The following COL28A1 variants were observed in gnomAD, a reference collection of about 807,000 sequenced individuals.
The protein encoded by COL28A1 is collagen type XXVIII alpha 1 chain, also known as collagen alpha-1(XXVIII) chain.
In COL28A1, 161 loss-of-function variants were observed where a neutral mutation model predicts 150.2. That is an observed-to-expected ratio of 1.07 (90% confidence interval 0.94 to 1.22). The LOEUF (loss-of-function observed/expected upper bound fraction) is 1.22, where lower values mean the gene tolerates loss of function less well. Ranked by LOEUF, COL28A1 falls within the 50% of genes most tolerant of loss-of-function variation. The pLI is 0.00. For synonymous variants in COL28A1, 552 were observed against 469.7 expected (o/e 1.18, Z -2.26); for missense variants, 1,617 against 1,388.3 (o/e 1.16, Z -2.62).
rs1296292921 is a variant in COL28A1 at position 7,466,376 on chromosome 7, T to C, written c.1302+8225A>G. ...TATCAGCAATGGAAGATGAAATGAA[T>C]GAAATGAAGAGAGAAGGGAAGTTTA... On this transcript the variant is annotated intron_variant, in intron 15 of 34. Transcript: ENST00000399429. 2.1e-5 allele frequency among the ~76,000 whole-genome samples: 3 copies of C among 144,142 alleles called. 1 individual carries two copies. The highest frequency in any genetic ancestry group is 4.6e-5 in the Non-Finnish European group (3 of 65,772). 94.6% of individuals were successfully genotyped at this position (144,142 alleles called of 152,430 possible).
At chr7:7,430,985 G>A (rs949633547) in intron 25 of COL28A1, among the ~76,000 whole-genome samples, 1 of 152,154 alleles carries the variant, frequency 6.6e-6, no homozygotes, top group African/African-American at 2.4e-5. Context: ...ATTACCCCCA[G>A]AAGCAGAATG....
intron 20 of COL28A1, among the ~76,000 whole-genome samples, chr7:7,443,051 T>G (rs1428085864): frequency 6.9e-6 from 1 of 145,594 alleles, no homozygotes; most frequent in African/African-American, 2.6e-5. Flanking sequence ...AAAAAAAAAA[T>G]TGCAGGAAGA....
In COL28A1 at chr7:7,433,000, C is replaced by T. The variant is rs946878693; in HGVS notation, c.1861-300G>A. Among the ~76,000 whole-genome samples the T allele has an allele frequency of 2.0e-5, 3 of 152,154 alleles. 1 individual carries two copies. In the South Asian group the frequency reaches 6.2e-4, roughly 32 times the overall value. ...ATTGTTGCGTTAAATCTATTCTCTT[C>T]ATTAATGGGGCCCGAATTATACGGG... On this transcript the variant is annotated intron_variant, in intron 23 of 34. Transcript: ENST00000399429.
intron 20 of COL28A1, 117 bp from the exon 21 acceptor site, chr7:7,440,978 C>T (rs1210729562): frequency 5.4e-6 from 3 of 560,062 alleles, no homozygotes; most frequent in South Asian, 5.9e-5. Flanking sequence ...AAGTGGTGTG[C>T]CCTGAGCACA....
At chr7:7,462,400 G>T (rs751496008) in intron 15 of COL28A1, among the ~76,000 whole-genome samples, 1 of 152,182 alleles carries the variant, frequency 6.6e-6, no homozygotes, top group African/African-American at 2.4e-5. Flanking sequence ...ACCTGAAAAA[G>T]AATTCAGAAG....
intron 11 of COL28A1, among the ~76,000 whole-genome samples, chr7:7,498,141 T>C (rs183978697): frequency 3.2e-4 from 49 of 152,292 alleles, no homozygotes; most frequent in Non-Finnish European, 6.0e-4. Context: ...TATTTGATCA[T>C]GTTTGGCCTA....
intron 27 of COL28A1, among the ~76,000 whole-genome samples, chr7:7,384,678 C>T (rs1782079120): frequency 6.6e-6 from 1 of 152,110 alleles, no homozygotes; most frequent in African/African-American, 2.4e-5. Context: ...CTGGGAATAT[C>T]GGAACATATC....
At chr7:7,360,318 T>A in intron 34 of COL28A1, 72 bp downstream of exon 34, 1 of 1,412,128 alleles carries the variant, frequency 7.1e-7, no homozygotes, top group South Asian at 1.7e-5. Context: ...CAGATCTCTC[T>A]TTCCTTTGTG....
intron 9 of COL28A1, among the ~76,000 whole-genome samples, chr7:7,509,929 C>T (rs1781032049): frequency 6.6e-6 from 1 of 152,154 alleles, no homozygotes; most frequent in Non-Finnish European, 1.5e-5. Context: ...TTTTGCAGAT[C>T]CACCTGACTT....
intron 28 of COL28A1, 135 bp from the exon 29 acceptor site, chr7:7,380,997 T>TG (rs1781842067): frequency 1.4e-6 from 1 of 709,128 alleles, no homozygotes; most frequent in Admixed American, 2.6e-5. Flanking sequence ...ATGCAGTATT[T>TG]GAAAAAAAAT....
chr7:7,411,261 A>T (rs1025387895), intron 27 of COL28A1, among the ~76,000 whole-genome samples: 1 of 152,232 alleles, frequency 6.6e-6, no homozygotes, highest in Non-Finnish European at 1.5e-5. Context: ...AAATGACATT[A>T]ATCTTAAGCA....
At chr7:7,460,191 G>T (rs1340763096) in intron 15 of COL28A1, among the ~76,000 whole-genome samples, 2 of 152,160 alleles carry the variant, frequency 1.3e-5, no homozygotes, top group Non-Finnish European at 2.9e-5. Context: ...ATCGTATGTG[G>T]TCTTCCTTCC....
chr7:7,435,840 T>G (rs182021386), intron 23 of COL28A1, among the ~76,000 whole-genome samples: 1 of 152,288 alleles, frequency 6.6e-6, no homozygotes, highest in East Asian at 1.9e-4. Flanking sequence ...TAAACAGAGA[T>G]ATGCTGGTTG....
At chr7:7,416,378 G>C (rs1439290901) in intron 27 of COL28A1, among the ~76,000 whole-genome samples, 2 of 152,154 alleles carry the variant, frequency 1.3e-5, no homozygotes, top group African/African-American at 4.8e-5. Context: ...GTGAGAATGA[G>C]GAAGTAGTTC....
chr7:7,378,110 T>C (rs1472537562), intron 30 of COL28A1, among the ~76,000 whole-genome samples: 2 of 152,060 alleles, frequency 1.3e-5, no homozygotes, highest in African/African-American at 4.8e-5. Flanking sequence ...GCCAAGGATG[T>C]AAGATCTGGC....
chr7:7,394,107 G>C (rs1431706165), intron 27 of COL28A1, among the ~76,000 whole-genome samples: 1 of 152,162 alleles, frequency 6.6e-6, no homozygotes, highest in Non-Finnish European at 1.5e-5. Flanking sequence ...TGTGCATACT[G>C]TGGGAAAAGC....
chr7:7,363,297 A>T (rs1180240485), intron 33 of COL28A1, among the ~76,000 whole-genome samples: 1 of 152,156 alleles, frequency 6.6e-6, no homozygotes, highest in Non-Finnish European at 1.5e-5. Flanking sequence ...CTCAAAAGTT[A>T]TATTTTACCT....
intron 33 of COL28A1, among the ~76,000 whole-genome samples, chr7:7,366,630 G>T (rs571171865): frequency 3.3e-5 from 5 of 152,228 alleles, no homozygotes; most frequent in African/African-American, 4.8e-5. Flanking sequence ...TCACGATCAC[G>T]GTGAGAGAAT....
Position 7,479,697 on chromosome 7 carries a change from T to A in COL28A1, c.1165-2517A>T, listed in dbSNP as rs551565162. On this transcript the variant is annotated intron_variant, in intron 13 of 34. Coordinates refer to ENST00000399429, the MANE Select transcript of COL28A1 (RefSeq NM_001037763.3). ...ATTGCAATGATTCAAATTAAGAAGT[T>A]CATGTAACTATTGCTCAAAAAGCCA... 7.2e-5 allele frequency among the ~76,000 whole-genome samples: 11 copies of A among 152,322 alleles called. No individual in the cohort carries two copies. In the South Asian group the frequency reaches 2.1e-3, roughly 29 times the overall value.
Sources: allele counts gnomAD v4.1 joint callset (sites outside exome capture counted in the v4.1 genomes callset), GRCh38; gene constraint gnomAD v4.1.1; transcripts MANE v1.5; gene names NCBI Gene and HGNC (gene_info 2026-07-23, HGNC 2026-07-21).